The following DAGLB variants were observed in gnomAD, a reference collection of about 807,000 sequenced individuals.
DAGLB encodes diacylglycerol lipase-beta.
Under a neutral mutation model 72.1 loss-of-function variants are expected in DAGLB, and 66 were observed. The ratio of observed to expected loss-of-function variants is 0.92; its 90% CI spans 0.75 to 1.12. The LOEUF (loss-of-function observed/expected upper bound fraction) is 1.12, where lower values mean the gene tolerates loss of function less well. DAGLB is among the 50% of genes most tolerant of loss of function. The pLI is 0.00. For missense variants in DAGLB, 1,065 were observed against 884.9 expected (o/e 1.20, Z -2.58); for synonymous variants, 414 against 359.5 (o/e 1.15, Z -1.71).
rs1177836104 is a variant in DAGLB, at chr7:6,447,910, C to G, written c.-68G>C. On this transcript the variant is annotated 5_prime_UTR_variant, in exon 1 of 15. Coordinates refer to ENST00000297056, the MANE Select transcript of DAGLB (RefSeq NM_139179.4). The stretch of plus-strand genomic sequence containing the variant: ...CCGTTCACCGAGAACAAACCAGCAC[C>G]CTCCGGACGCCGCCACCAAATTATC... 5.4e-6 allele frequency: 8 copies of G among 1,487,826 alleles called. 1 individual carries two copies. In the Admixed American group the frequency reaches 7.8e-5, roughly 14 times the overall value. 92.2% of individuals were successfully genotyped at this position (1,487,826 alleles called of 1,614,324 possible).
rs764054243 is a variant in DAGLB at position 6,421,722 on chromosome 7, C to A, written c.1218+5G>T. 2.5e-6 allele frequency: 4 copies of A among 1,607,654 alleles called. No individual in the cohort carries two copies. Among genetic ancestry groups the A allele is most frequent in the Non-Finnish European group, 3.4e-6 (4 of 1,175,762 alleles). On this transcript the variant is annotated splice_donor_5th_base_variant and intron_variant, in intron 9 of 14. Transcript: ENST00000297056. ...CAGGCAAGACACACGAGTCCGCGCT[C>A]ATACCTTGTGTGCCAGGCGGTCCTG... is the stretch of plus-strand genomic sequence containing the variant.
At chr7:6,423,651 A>T (rs1250546759) in intron 8 of DAGLB, among the ~76,000 whole-genome samples, 1 of 148,408 alleles carries the variant, frequency 6.7e-6, no homozygotes, top group African/African-American at 2.5e-5. Context: ...GCAGTGGTGC[A>T]ATCTCGACTC....
chr7:6,424,918 A>G (rs1784255442), intron 7 of DAGLB, 83 bp from the exon 8 acceptor site: 2 of 1,372,178 alleles, frequency 1.5e-6, no homozygotes, highest in Non-Finnish European at 2.1e-6. Flanking sequence ...CAGTGTCTGC[A>G]ATGACAGCCC....
chr7:6,446,017 G>A lies in DAGLB; in HGVS notation c.183C>T (p.Val61=), dbSNP rs1399330148. The A allele has an allele frequency of 1.9e-6, 3 of 1,613,608 alleles. No homozygotes were observed. The highest frequency in any genetic ancestry group is 2.7e-5 in the African/African-American group (2 of 74,766). Residue 61 remains valine, a synonymous_variant, in exon 2 of 15, where the codon GTC becomes GTT. Coordinates refer to ENST00000297056, the MANE Select transcript of DAGLB (RefSeq NM_139179.4). ...GGALLSSYLI[V]LMILLAVVIC... ...TGACAACTGCCAGGAGAATCATGAG[G>A]ACGATCAAGTAACTGCTGAGCAAGG...
Position 6,446,067 on chromosome 7 carries a change from C to G in DAGLB, c.133G>C (p.Gly45Arg). The G allele has an allele frequency of 6.2e-7, 1 of 1,610,906 alleles. No homozygotes were observed. Reference sequence around the variant, plus strand: ...GCTCCACCAGCACAGTCCAGCTTTCCTCTGTGCATGAGATACAACGTCAGA... The same window carrying G: ...GCTCCACCAGCACAGTCCAGCTTTCGTCTGTGCATGAGATACAACGTCAGA... ...GILTLYLMHR[G>R]KLDCAGGALL... Residue 45 changes from glycine (G) to arginine (R), a missense_variant, in exon 2 of 15, where the codon GGA (glycine) becomes CGA (arginine). Transcript: ENST00000297056.
At chr7:6,445,929 C>A (rs1784985460) in intron 2 of DAGLB, 24 bp downstream of exon 2, 2 of 1,565,300 alleles carry the variant, frequency 1.3e-6, no homozygotes, top group South Asian at 2.3e-5. Context: ...AAATAGGTAT[C>A]AAATAGAAAA....
intron 13 of DAGLB, 72 bp downstream of exon 13, chr7:6,412,739 T>C (rs1442546754): frequency 6.5e-7 from 1 of 1,526,880 alleles, no homozygotes; most frequent in African/African-American, 1.4e-5. Context: ...GTGCAATTCC[T>C]CCCGGCTCTC....
At chr7:6,444,953 T>C (rs915443836) in intron 2 of DAGLB, among the ~76,000 whole-genome samples, 1 of 151,968 alleles carries the variant, frequency 6.6e-6, no homozygotes, top group African/African-American at 2.4e-5. Flanking sequence ...AGCTACCACT[T>C]CACATTCACT....
chr7:6,413,591 C>G (rs1248562100), intron 11 of DAGLB, among the ~76,000 whole-genome samples: 1 of 151,472 alleles, frequency 6.6e-6, no homozygotes, highest in Non-Finnish European at 1.5e-5. Flanking sequence ...GATCGCGCCA[C>G]TGCACTCCAG....
chr7:6,437,427 C>T (rs1031649797), intron 2 of DAGLB, among the ~76,000 whole-genome samples: 2 of 152,022 alleles, frequency 1.3e-5, no homozygotes, highest in African/African-American at 2.4e-5. Context: ...GCTCAGAGAG[C>T]GTAATAGCTA....
intron 2 of DAGLB, among the ~76,000 whole-genome samples, chr7:6,444,049 C>T (rs1240788921): frequency 1.3e-5 from 2 of 152,108 alleles, no homozygotes; most frequent in Non-Finnish European, 2.9e-5. Context: ...AGAGGATCAC[C>T]TGAGCCCAGG....
At position 6,436,476 on chromosome 7, in the gene DAGLB, A is replaced by C. The variant is rs1784661914; in HGVS notation, c.305T>G (p.Leu102Arg). The change falls in exon 3 of 15, where the codon CTG (leucine) becomes CGG (arginine). Residue 102 changes from leucine to arginine, a missense_variant. Transcript: ENST00000297056. Reference protein sequence around the residue: ...KSMSKLLYIRLALFFPEMVWA... With the variant: ...KSMSKLLYIRRALFFPEMVWA... ...GACCATCTCTGGAAAAAACAGCGCC[A>C]GGCGGATGTAAAGCAGCTTAGACAT... 6.2e-7 allele frequency: 1 copy of C among 1,614,064 alleles called. No individual in the cohort carries two copies. Among genetic ancestry groups the C allele is most frequent in the African/African-American group, 1.3e-5 (1 of 74,928 alleles).
intron 2 of DAGLB, among the ~76,000 whole-genome samples, chr7:6,442,044 T>C (rs932576148): frequency 6.6e-6 from 1 of 152,096 alleles, no homozygotes; most frequent in Non-Finnish European, 1.5e-5. Context: ...CGACGATAAA[T>C]GGCTTTTGGA....
intron 6 of DAGLB, among the ~76,000 whole-genome samples, chr7:6,427,503 T>A (rs930224184): frequency 4.3e-4 from 65 of 152,152 alleles, no homozygotes; most frequent in African/African-American, 1.3e-3. Flanking sequence ...AAAACATTTT[T>A]AAAAATTATC....
intron 6 of DAGLB, among the ~76,000 whole-genome samples, chr7:6,426,716 G>A (rs1242381171): frequency 6.6e-6 from 1 of 152,188 alleles, no homozygotes; most frequent in Non-Finnish European, 1.5e-5. Flanking sequence ...AACAGAAGCA[G>A]GTAAAGCAAA....
chr7:6,413,318 G>A (rs1003513586), intron 11 of DAGLB, among the ~76,000 whole-genome samples: 2 of 152,142 alleles, frequency 1.3e-5, no homozygotes, highest in East Asian at 1.9e-4. Context: ...CAGAAACCGC[G>A]CTTGGAAGAC....
intron 5 of DAGLB, among the ~76,000 whole-genome samples, chr7:6,431,055 C>T (rs139953738): frequency 1.3e-5 from 2 of 152,248 alleles, no homozygotes; most frequent in East Asian, 1.9e-4. Flanking sequence ...GGAAGCCAGG[C>T]GTGAGCCACC....
chr7:6,411,974 A>AGTGCAATG (rs71539933), intron 13 of DAGLB, among the ~76,000 whole-genome samples: 8 of 151,396 alleles, frequency 5.3e-5, no homozygotes, highest in South Asian at 2.1e-4. Context: ...AACAGGCTGG[A>AGTGCAATG]GTGCGATCTT....
At chr7:6,444,264 C>T (rs1784926035) in intron 2 of DAGLB, among the ~76,000 whole-genome samples, 1 of 152,138 alleles carries the variant, frequency 6.6e-6, no homozygotes. Context: ...CAGAGCAAGA[C>T]ACTGTCTCTA....
Sources: allele counts gnomAD v4.1 joint callset (sites outside exome capture counted in the v4.1 genomes callset), GRCh38; gene constraint gnomAD v4.1.1; transcripts MANE v1.5; gene names NCBI Gene and HGNC (gene_info 2026-07-23, HGNC 2026-07-21).